Variants in TENM4 observed in about 807,000 individuals in gnomAD.
TENM4 encodes the protein teneurin-4.
A neutral mutation model predicts 243.3 loss-of-function variants in TENM4; 82 were observed. That is an observed-to-expected ratio of 0.34 (90% confidence interval 0.28 to 0.40). The LOEUF is 0.40. Ranked by LOEUF, TENM4 falls within the 10% of genes least tolerant of loss-of-function variation. The probability of loss-of-function intolerance (pLI) is 1.00; values close to 1 mark genes in which losing one functional copy is unlikely to be tolerated. For synonymous variants in TENM4, 1,412 were observed against 1,456.3 expected (o/e 0.97, Z 0.69); for missense variants, 3,138 against 3,673.3 (o/e 0.85, Z 3.77).
intron 2 of TENM4, among the ~76,000 whole-genome samples, chr11:79,245,177 C>G (rs748792930): frequency 1.3e-5 from 2 of 152,168 alleles, no homozygotes; most frequent in Admixed American, 6.5e-5. Context: ...CCATCCTGCA[C>G]GTGGAAGCCT....
At chr11:78,818,499 G>A (rs1237421315) in intron 12 of TENM4, among the ~76,000 whole-genome samples, 1 of 152,192 alleles carries the variant, frequency 6.6e-6, no homozygotes, top group Non-Finnish European at 1.5e-5. Context: ...ATAATTTTAA[G>A]ATAGCAACAA....
intron 6 of TENM4, among the ~76,000 whole-genome samples, chr11:78,932,178 C>G (rs1856682790): frequency 6.6e-6 from 1 of 152,194 alleles, no homozygotes; most frequent in Non-Finnish European, 1.5e-5. Flanking sequence ...TAGGCTTCAA[C>G]TAAACTTCCT....
At chr11:78,687,245 G>A (rs1858707251) in intron 29 of TENM4, among the ~76,000 whole-genome samples, 4 of 152,076 alleles carry the variant, frequency 2.6e-5, no homozygotes, top group Admixed American at 2.6e-4. Flanking sequence ...GCTTCAGCTT[G>A]CTTTCTTTTC....
At chr11:79,269,308 T>C (rs1031504209) in intron 2 of TENM4, among the ~76,000 whole-genome samples, 18 of 152,250 alleles carry the variant, frequency 1.2e-4, no homozygotes, top group Non-Finnish European at 1.5e-5. Flanking sequence ...TTTATTCTGT[T>C]TGTATTATTT....
chr11:78,695,983 A>AT (rs1024671830), intron 28 of TENM4, among the ~76,000 whole-genome samples: 1 of 148,798 alleles, frequency 6.7e-6, no homozygotes. Context: ...CTTCTGCCCT[A>AT]TTTTTTCCCT....
At position 78,732,350 on chromosome 11, in the gene TENM4, C is replaced by T. The variant is rs1855689019; in HGVS notation, c.3104G>A (p.Cys1035Tyr). The T allele has an allele frequency of 1.2e-6, 2 of 1,613,156 alleles. No homozygotes were observed. Among genetic ancestry groups the T allele is most frequent in the South Asian group, 1.1e-5 (1 of 90,972 alleles). ...CGGCACAATGGGGCCTTTCTCTGCA[C>T]AGGAGCTGGCGAAGGACGTCAGTGG... ...PSPLTSFASS[C>Y]AEKGPIVPEI... The change falls in exon 21 of 34, where the codon TGT becomes TAT. Residue 1035 changes from cysteine to tyrosine, a missense_variant. Around this residue, in one of 2 missense-constraint regions of TENM4, gnomAD observed 2,467 missense variants for 3,059.1 expected, o/e 0.81. Transcript: ENST00000278550.
intron 19 of TENM4, among the ~76,000 whole-genome samples, chr11:78,740,784 T>C (rs1855912534): frequency 6.6e-6 from 1 of 152,204 alleles, no homozygotes; most frequent in Non-Finnish European, 1.5e-5. Context: ...CTGTCCTGGC[T>C]GCTGCCCCTA....
At chr11:78,823,553 A>G (rs915647032) in intron 12 of TENM4, among the ~76,000 whole-genome samples, 4 of 152,230 alleles carry the variant, frequency 2.6e-5, no homozygotes, top group African/African-American at 7.2e-5. Flanking sequence ...ACCAAAGTGA[A>G]GAGGAAGCAG....
chr11:79,028,831 C>G (rs1859152877), intron 6 of TENM4, among the ~76,000 whole-genome samples: 1 of 152,150 alleles, frequency 6.6e-6, no homozygotes, highest in Non-Finnish European at 1.5e-5. Flanking sequence ...GTGTGGGGCA[C>G]TAGTTAACAT....
chr11:78,837,466 A>C (rs1462802183), intron 12 of TENM4, among the ~76,000 whole-genome samples: 3 of 152,122 alleles, frequency 2.0e-5, no homozygotes, highest in South Asian at 4.1e-4. Context: ...AAACTAATAC[A>C]TTTTCACATC....
At chr11:79,330,539 C>G (rs1474423762) in intron 1 of TENM4, among the ~76,000 whole-genome samples, 1 of 152,140 alleles carries the variant, frequency 6.6e-6, no homozygotes, top group Admixed American at 6.5e-5. Flanking sequence ...AGGGCAAATG[C>G]AAGAACAAAT....
At chr11:78,806,099 G>A (rs1323935555) in intron 14 of TENM4, among the ~76,000 whole-genome samples, 1 of 151,908 alleles carries the variant, frequency 6.6e-6, no homozygotes, top group Non-Finnish European at 1.5e-5. Flanking sequence ...AGACCAGCCT[G>A]GGCAACACAG....
intron 4 of TENM4, among the ~76,000 whole-genome samples, chr11:79,128,764 G>A (rs1271899261): frequency 3.3e-5 from 5 of 152,216 alleles, no homozygotes; most frequent in Non-Finnish European, 7.3e-5. Flanking sequence ...ACTTTGCATG[G>A]AAGGAGAAAT....
chr11:78,694,929 C>G (rs1171738099), intron 28 of TENM4, among the ~76,000 whole-genome samples: 1 of 152,244 alleles, frequency 6.6e-6, no homozygotes, highest in Non-Finnish European at 1.5e-5. Context: ...TCCCACTGGA[C>G]TTCAGTCATG....
intron 11 of TENM4, among the ~76,000 whole-genome samples, chr11:78,855,554 G>T (rs180838941): frequency 2.6e-5 from 4 of 152,296 alleles, no homozygotes; most frequent in Admixed American, 2.6e-4. Flanking sequence ...TGCCAAGTGG[G>T]TATTGTTACC....
Position 78,771,060 on chromosome 11 carries a change from C to T in TENM4, c.2471G>A (p.Gly824Asp), listed in dbSNP as rs1284640499. ...LNGWHCVCQL[G>D]WRGAGCDTSM... ...AGTGTCACAGCCAGCTCCTCTCCAG[C>T]CCAGCTGGCAGACGCAGTGCCAACC... is the stretch of plus-strand genomic sequence containing the variant. Residue 824 changes from glycine to aspartate, a missense_variant, in exon 18 of 34, where the codon GGC (glycine) becomes GAC (aspartate). Coordinates refer to ENST00000278550, the MANE Select transcript of TENM4 (RefSeq NM_001098816.3). 6.3e-7 allele frequency: 1 copy of T among 1,579,794 alleles called. No individual in the cohort carries two copies. The highest frequency in any genetic ancestry group is 1.2e-5 in the South Asian group (1 of 85,748).
At chr11:79,069,517 T>TA (rs942684475) in intron 5 of TENM4, among the ~76,000 whole-genome samples, 1 of 151,968 alleles carries the variant, frequency 6.6e-6, no homozygotes, top group Non-Finnish European at 1.5e-5. Flanking sequence ...AGCGAGAAAA[T>TA]AAATGAACTA....
chr11:79,172,311 C>T (rs1055047307), intron 3 of TENM4, among the ~76,000 whole-genome samples: 61 of 152,132 alleles, frequency 4.0e-4, no homozygotes, highest in East Asian at 1.9e-4. Flanking sequence ...CCTAGGCAAA[C>T]GGGGGCATGA....
Position 78,658,285 on chromosome 11 carries a change from G to A in TENM4, c.8083C>T (p.Arg2695Trp), listed in dbSNP as rs758799184. 7 of 1,612,716 alleles carry A rather than the reference G, an allele frequency of 4.3e-6. No individual in the cohort carries two copies. Among genetic ancestry groups the A allele is most frequent in the Middle Eastern group, 1.7e-4 (1 of 6,060 alleles). ...EEKARVLELARQRAVRQAWAR... is the reference protein window; with the variant it reads ...EEKARVLELAWQRAVRQAWAR... ...CACGCTTGGCGCACGGCTCTCTGCCGGGCCAGCTCCAGGACCCGTGCCTTC... is the reference window on the plus strand; with the variant it reads ...CACGCTTGGCGCACGGCTCTCTGCCAGGCCAGCTCCAGGACCCGTGCCTTC... Residue 2695 changes from arginine (R) to tryptophan (W), a missense_variant, in exon 34 of 34, where the codon CGG becomes TGG. Physicochemically the swap from Arg to Trp is moderately radical, Grantham distance 101 (BLOSUM62 -3). This residue lies in a region of TENM4 where 2,467 missense variants were observed against 3,059.1 expected (regional missense o/e 0.81). Transcript: ENST00000278550.
Sources: allele counts gnomAD v4.1 joint callset (sites outside exome capture counted in the v4.1 genomes callset), GRCh38; gene constraint gnomAD v4.1.1; regional missense constraint gnomAD v4.1.1; transcripts MANE v1.5; gene names NCBI Gene and HGNC (gene_info 2026-07-23, HGNC 2026-07-21).